LCMT1: variants seen among roughly 807,000 people sequenced by gnomAD.
The protein encoded by LCMT1 is leucine carboxyl methyltransferase 1, also known as [Phosphatase 2A protein]-leucine-carboxy methyltransferase 1.
LCMT1 carries 32 observed loss-of-function variants against 47.7 expected under a neutral mutation model. The ratio of observed to expected loss-of-function variants is 0.67; its 90% CI spans 0.51 to 0.90. The LOEUF (loss-of-function observed/expected upper bound fraction) is 0.90. Among genes scored for constraint, LCMT1 ranks in the 40% least tolerant of loss-of-function variants. The pLI, the probability that LCMT1 is intolerant of heterozygous loss-of-function variation, is 0.00. For missense variants in LCMT1, 375 were observed against 415.2 expected, an observed-to-expected ratio of 0.90 and a Z score of 0.84; for synonymous variants, 152 against 149.7, an observed-to-expected ratio of 1.02 and a Z score of -0.11.
chr16:25,154,269 C>T (rs1597591874), intron 5 of LCMT1, among the ~76,000 whole-genome samples: 1 of 152,042 alleles, frequency 6.6e-6, no homozygotes, highest in African/African-American at 2.4e-5. Context: ...CCTCGGCCTC[C>T]CAAAGTGCTG....
In LCMT1 at chr16:25,111,945, C is replaced by T. The variant is rs570818736; in HGVS notation, c.62C>T (p.Ala21Val). Residue 21 changes from alanine to valine, a missense_variant, in exon 1 of 11, where the codon GCA (alanine) becomes GTA (valine). Ala to Val is a moderately conservative substitution (Grantham distance 64, BLOSUM62 0). Coordinates refer to ENST00000399069, the MANE Select transcript of LCMT1 (RefSeq NM_016309.3). Reference protein sequence around the residue: ...TSCCSTSSCDADDEGVRGTCE... With the variant: ...TSCCSTSSCDVDDEGVRGTCE... ...TGCTGTTCCACCTCGAGCTGCGACGCAGACGACGAGGGCGTGCGCGGCACC... is the reference window on the plus strand; with the variant it reads ...TGCTGTTCCACCTCGAGCTGCGACGTAGACGACGAGGGCGTGCGCGGCACC... The T allele has an allele frequency of 1.9e-6, 3 of 1,613,668 alleles. No individual in the cohort carries two copies. The highest frequency in any genetic ancestry group is 2.2e-5 in the East Asian group (1 of 44,888).
intron 10 of LCMT1, 77 bp from the exon 11 acceptor site, chr16:25,177,923 GT>G (rs1218875254): frequency 1.5e-6 from 2 of 1,294,730 alleles, no homozygotes; most frequent in Non-Finnish European, 2.2e-6. Flanking sequence ...CCCTGAGCCG[GT>G]CACTGGGGGT....
At chr16:25,136,499 C>T (rs2141657780) in intron 3 of LCMT1, among the ~76,000 whole-genome samples, 1 of 150,818 alleles carries the variant, frequency 6.6e-6, no homozygotes, top group Non-Finnish European at 1.5e-5. Context: ...TTCTGGGGTA[C>T]ATGTGCAGAA....
chr16:25,138,240 G>A lies in LCMT1; in HGVS notation c.328-1931G>A, dbSNP rs115287189. On this transcript the variant is annotated intron_variant, in intron 3 of 10. Coordinates refer to ENST00000399069, the MANE Select transcript of LCMT1 (RefSeq NM_016309.3). ...TCTTGCTGAGTTTTAGCAGTGTGCA[G>A]AGCTGCAGAAGGCCACCTGCAGTAG... Among the ~76,000 whole-genome samples the A allele has an allele frequency of 5.7e-3, 865 of 152,300 alleles. 9 individuals carry two copies. The highest frequency in any genetic ancestry group is 0.02 in the African/African-American group (831 of 41,560).
intron 6 of LCMT1, among the ~76,000 whole-genome samples, chr16:25,161,829 A>AT (rs951378923): frequency 1.3e-5 from 2 of 150,798 alleles, no homozygotes; most frequent in South Asian, 4.2e-4. Flanking sequence ...AAAAAAAAAA[A>AT]CCTCAGAAAA....
intron 6 of LCMT1, 63 bp from the exon 7 acceptor site, chr16:25,164,535 A>G: frequency 6.2e-7 from 1 of 1,607,250 alleles, no homozygotes; most frequent in African/African-American, 1.3e-5. Context: ...CAACATGTGT[A>G]CAATTAGAGG....
At chr16:25,163,003 T>C (rs1013777286) in intron 6 of LCMT1, among the ~76,000 whole-genome samples, 1 of 152,192 alleles carries the variant, frequency 6.6e-6, no homozygotes, top group Non-Finnish European at 1.5e-5. Flanking sequence ...CCTGAGTAGC[T>C]GGGACCACAG....
At chr16:25,166,972 A>G (rs1474011119) in intron 7 of LCMT1, among the ~76,000 whole-genome samples, 1 of 152,310 alleles carries the variant, frequency 6.6e-6, no homozygotes, top group East Asian at 1.9e-4. Flanking sequence ...TCCACTGTCC[A>G]TACTCCACAT....
At chr16:25,140,387 C>T (rs533618210) in intron 4 of LCMT1, 140 bp downstream of exon 4, 4 of 643,886 alleles carry the variant, frequency 6.2e-6, no homozygotes, top group South Asian at 3.7e-5. Flanking sequence ...TTTTTTTTGC[C>T]CTGGCACTCA....
intron 1 of LCMT1, among the ~76,000 whole-genome samples, chr16:25,120,052 T>A (rs1263655324): frequency 6.6e-6 from 1 of 151,242 alleles, no homozygotes; most frequent in Non-Finnish European, 1.5e-5. Context: ...CCTAGCTACT[T>A]GGGAGGCTGA....
chr16:25,132,288 A>T, intron 2 of LCMT1, 114 bp from the exon 3 acceptor site: 1 of 1,292,154 alleles, frequency 7.7e-7, no homozygotes, highest in Non-Finnish European at 1.1e-6. Flanking sequence ...AACCTCTGAC[A>T]CTGCAGAAGG....
In LCMT1 at chr16:25,128,485, A is replaced by G; in HGVS notation, c.124A>G (p.Ser42Gly). 1.2e-6 allele frequency: 2 copies of G among 1,609,224 alleles called. No homozygotes were observed. The highest frequency in any genetic ancestry group is 2.2e-5 in the East Asian group (1 of 44,790). ...TTTTCTCCCTTCCAGGTTTGCAGTA[A>G]GCATTGGCTACTGGCATGACCCTTA... is the stretch of plus-strand genomic sequence containing the variant. ...DASLCKRFAV[S>G]IGYWHDPYIQ... is the part of the protein sequence containing the mutation. The change falls in exon 2 of 11, where the codon AGC becomes GGC. Residue 42 changes from serine (S) to glycine (G), a missense_variant. Coordinates refer to ENST00000399069, the MANE Select transcript of LCMT1 (RefSeq NM_016309.3).
At position 25,156,294 on chromosome 16, in the gene LCMT1, A is replaced by G. The variant is rs1961255042; in HGVS notation, c.466+4679A>G. Reference sequence around the variant, plus strand: ...TGATTCACTTTCTCCCTCTTCTGCCATGTAAGCTTCCTGAGAACAGGGACT... The same window carrying G: ...TGATTCACTTTCTCCCTCTTCTGCCGTGTAAGCTTCCTGAGAACAGGGACT... On this transcript the variant is annotated intron_variant, in intron 5 of 10. Transcript: ENST00000399069. Among the ~76,000 whole-genome samples, 3 of 152,182 alleles carry G rather than the reference A, an allele frequency of 2.0e-5. No homozygotes were observed. The South Asian group carries it at 6.2e-4, about 31-fold the overall frequency.
chr16:25,116,239 A>G (rs959641849), intron 1 of LCMT1, among the ~76,000 whole-genome samples: 3 of 152,200 alleles, frequency 2.0e-5, no homozygotes, highest in Non-Finnish European at 1.5e-5. Flanking sequence ...GGAAAATTCT[A>G]TCCAGTAGCT....
chr16:25,128,554 GA>G lies in LCMT1; in HGVS notation c.196del (p.Ile66SerfsTer16). The G allele has an allele frequency of 6.3e-7, 1 of 1,599,678 alleles. No homozygotes were observed. Among genetic ancestry groups the G allele is most frequent in the Non-Finnish European group, 8.5e-7 (1 of 1,172,620 alleles). ...VRLSKERKAP[E>X]INRGYFARVH... ...ACTGTCTAAAGAGAGGAAAGCCCCTGAAATCAACAGAGGCAAGTGACCATCT... is the reference window on the plus strand; with the variant it reads ...ACTGTCTAAAGAGAGGAAAGCCCCTGAATCAACAGAGGCAAGTGACCATCT... On this transcript the variant is annotated frameshift_variant, in exon 2 of 11. Transcript: ENST00000399069. LOFTEE classifies it high-confidence loss of function.
intron 1 of LCMT1, among the ~76,000 whole-genome samples, chr16:25,117,796 G>A (rs1453160861): frequency 6.6e-6 from 1 of 151,364 alleles, no homozygotes; most frequent in African/African-American, 2.4e-5. Flanking sequence ...AGGTTGCAGA[G>A]TACTGGGATC....
chr16:25,167,645 T>G (rs1961626172), intron 7 of LCMT1, among the ~76,000 whole-genome samples: 1 of 152,216 alleles, frequency 6.6e-6, no homozygotes, highest in African/African-American at 2.4e-5. Flanking sequence ...ATGACAAAAC[T>G]ACATGGATGA....
At chr16:25,160,457 AC>A (rs1480080226) in intron 5 of LCMT1, among the ~76,000 whole-genome samples, 1 of 152,186 alleles carries the variant, frequency 6.6e-6, no homozygotes, top group African/African-American at 2.4e-5. Context: ...TAGTACATAA[AC>A]TGTCTTTTTT....
rs967203621 is a variant in LCMT1, at chr16:25,164,525, C to T, written c.570-73C>T. ...GGCATGGACCGCCCCACCAATACTG[C>T]AACATGTGTACAATTAGAGGGTCCT... On this transcript the variant is annotated intron_variant, in intron 6 of 10. Coordinates refer to ENST00000399069, the MANE Select transcript of LCMT1 (RefSeq NM_016309.3). 4 of 1,596,306 alleles carry T rather than the reference C, an allele frequency of 2.5e-6. No homozygotes were observed. In the African/African-American group the frequency reaches 5.4e-5, roughly 21 times the overall value.
Sources: allele counts gnomAD v4.1 joint callset (sites outside exome capture counted in the v4.1 genomes callset), GRCh38; gene constraint gnomAD v4.1.1; transcripts MANE v1.5; gene names NCBI Gene and HGNC (gene_info 2026-07-23, HGNC 2026-07-21).